ARHGAP6: variants seen among roughly 807,000 people sequenced by gnomAD.
ARHGAP6 encodes Rho GTPase activating protein 6.
A neutral mutation model predicts 55.7 loss-of-function variants in ARHGAP6; 16 were observed. The ratio of observed to expected loss-of-function variants is 0.29; its 90% CI spans 0.19 to 0.44. The LOEUF is 0.44. ARHGAP6 is among the 20% of genes least tolerant of loss of function. ARHGAP6 has a pLI of 1.00. For synonymous variants in ARHGAP6, 382 were observed against 360.9 expected, an observed-to-expected ratio of 1.06 and a Z score of -0.66; for missense variants, 698 against 808.9, an observed-to-expected ratio of 0.86 and a Z score of 1.66.
At chrX:11,311,235 G>A (rs963359667) in intron 1 of ARHGAP6, among the ~76,000 whole-genome samples, 1 of 111,895 alleles carries the variant, frequency 8.9e-6, no homozygotes, top group Non-Finnish European at 1.9e-5. Context: ...AGAAAAGGTC[G>A]ACATTCTTAT....
chrX:11,171,143 A>T (rs1278903155), intron 8 of ARHGAP6, among the ~76,000 whole-genome samples: 1 of 111,258 alleles, frequency 9.0e-6, no homozygotes, highest in Non-Finnish European at 1.9e-5. Context: ...AAGGAAGGGA[A>T]CTATTTTTTG....
At position 11,144,381 on chromosome X, in the gene ARHGAP6, G is replaced by A. The variant is rs187113475; in HGVS notation, c.1908-133C>T. The stretch of plus-strand genomic sequence containing the variant: ...GGCTGAAACAAAAAGACCATTTTGA[G>A]CAATGTTCCAAGACATGTACATCCA... On this transcript the variant is annotated intron_variant, in intron 10 of 12. Coordinates refer to ENST00000337414, the MANE Select transcript of ARHGAP6 (RefSeq NM_013427.3). 92 of 897,810 alleles carry A rather than the reference G, an allele frequency of 1.0e-4. No homozygotes were observed. In the African/African-American group the frequency reaches 1.6e-3, roughly 16 times the overall value. 74.0% of individuals were successfully genotyped at this position (897,810 alleles called of 1,213,427 possible). A position where few individuals can be genotyped will look rare whatever the true frequency, so the allele number is the denominator to read the frequency against.
intron 6 of ARHGAP6, among the ~76,000 whole-genome samples, chrX:11,180,418 A>G (rs975742336): frequency 6.3e-5 from 7 of 110,729 alleles, no homozygotes; most frequent in African/African-American, 2.3e-4. Flanking sequence ...ACCCTGTTAC[A>G]GGCTCACAAA....
chrX:11,243,815 C>G (rs1162087867), intron 2 of ARHGAP6, among the ~76,000 whole-genome samples: 3 of 112,032 alleles, frequency 2.7e-5, no homozygotes, highest in Non-Finnish European at 3.8e-5. Flanking sequence ...ACATAGATAC[C>G]TACCATTGCA....
At chrX:11,372,391 A>T (rs750866859) in intron 1 of ARHGAP6, among the ~76,000 whole-genome samples, 1 of 112,352 alleles carries the variant, frequency 8.9e-6, no homozygotes, top group African/African-American at 3.2e-5. Flanking sequence ...AGTGAATATT[A>T]ATAAAGAATG....
intron 1 of ARHGAP6, among the ~76,000 whole-genome samples, chrX:11,486,827 T>C (rs1324332238): frequency 8.9e-6 from 1 of 111,972 alleles, no homozygotes; most frequent in Non-Finnish European, 1.9e-5. Context: ...ATGTGCCACG[T>C]TGGCAGAAGT....
chrX:11,663,060 C>T (rs1382557393), intron 1 of ARHGAP6, among the ~76,000 whole-genome samples: 1 of 112,147 alleles, frequency 8.9e-6, no homozygotes, highest in Admixed American at 9.5e-5. Context: ...ATCTGCACCC[C>T]CAACACCTAA....
chrX:11,277,090 T>A (rs2047780890), intron 1 of ARHGAP6, among the ~76,000 whole-genome samples: 1 of 111,452 alleles, frequency 9.0e-6, no homozygotes, highest in Admixed American at 9.6e-5. Context: ...CTCTATGGTT[T>A]TGCATGTTTT....
chrX:11,464,952 A>T (rs769020263), intron 1 of ARHGAP6, among the ~76,000 whole-genome samples: 3 of 111,679 alleles, frequency 2.7e-5, no homozygotes, highest in Non-Finnish European at 5.6e-5. Flanking sequence ...CAATCTTCTG[A>T]CTGCACCACC....
intron 1 of ARHGAP6, among the ~76,000 whole-genome samples, chrX:11,503,857 CACACAAAGAGACACACAT>C (rs1350298273): frequency 4.2e-4 from 40 of 95,171 alleles, no homozygotes; most frequent in African/African-American, 1.7e-3. Flanking sequence ...CACACACACA[CACACAAAGAGACACACAT>C]ACACACACAC....
intron 1 of ARHGAP6, among the ~76,000 whole-genome samples, chrX:11,555,472 G>C (rs1458438569): frequency 9.0e-6 from 1 of 111,539 alleles, no homozygotes; most frequent in African/African-American, 3.3e-5. Context: ...GCCACATTGG[G>C]ACAGGGCGTC....
At chrX:11,496,790 T>C (rs939859723) in intron 1 of ARHGAP6, among the ~76,000 whole-genome samples, 7 of 112,002 alleles carry the variant, frequency 6.2e-5, no homozygotes, top group Non-Finnish European at 9.4e-5. Flanking sequence ...TTGTTACATA[T>C]AAAGTATTTG....
chrX:11,379,878 T>C (rs1018554183), intron 1 of ARHGAP6, among the ~76,000 whole-genome samples: 2 of 110,490 alleles, frequency 1.8e-5, no homozygotes, highest in African/African-American at 6.6e-5. Flanking sequence ...ATCTATGAGG[T>C]GGGATGGAGG....
In ARHGAP6 at chrX:11,664,374, G is replaced by C; in HGVS notation, c.455C>G (p.Ala152Gly). The change falls in exon 1 of 13, where the codon GCT becomes GGT. Residue 152 changes from alanine to glycine, a missense_variant. Physicochemically the swap from Ala to Gly is moderately conservative, Grantham distance 60. Coordinates refer to ENST00000337414, the MANE Select transcript of ARHGAP6 (RefSeq NM_013427.3). ...CCCGGATGAACAGAGGATGCTGGAA[G>C]CGCTTCGGCTACTGGCTGGCCCGGC... Reference protein sequence around the residue: ...VLAGPASSRSASSILCSSGGG... With the variant: ...VLAGPASSRSGSSILCSSGGG... The C allele has an allele frequency of 8.2e-7, 1 of 1,212,289 alleles. No individual in the cohort carries two copies.
chrX:11,418,934 C>T (rs941436941), intron 1 of ARHGAP6, among the ~76,000 whole-genome samples: 1 of 111,800 alleles, frequency 8.9e-6, no homozygotes, highest in African/African-American at 3.2e-5. Context: ...TCAACACCGA[C>T]CCCCCCTCCC....
intron 1 of ARHGAP6, among the ~76,000 whole-genome samples, chrX:11,430,568 A>T (rs1465013157): frequency 1.8e-5 from 2 of 112,105 alleles, no homozygotes; most frequent in Non-Finnish European, 3.8e-5. Context: ...AAGTCTGTTC[A>T]ATCTTAAACA....
chrX:11,309,812 G>A (rs2048276137), intron 1 of ARHGAP6, among the ~76,000 whole-genome samples: 2 of 110,996 alleles, frequency 1.8e-5, no homozygotes, highest in African/African-American at 3.3e-5. Context: ...ATATACAAAT[G>A]GCTGATAAGC....
intron 1 of ARHGAP6, among the ~76,000 whole-genome samples, chrX:11,455,675 G>A (rs1196547789): frequency 3.6e-5 from 4 of 111,669 alleles, no homozygotes; most frequent in Admixed American, 9.5e-5. Context: ...CCCACTATCC[G>A]TGGCTTCTCT....
At chrX:11,335,866 G>A (rs888663196) in intron 1 of ARHGAP6, 7 of 211,330 alleles carry the variant, frequency 3.3e-5, no homozygotes, top group African/African-American at 9.1e-5. Flanking sequence ...AGGTGGCAGC[G>A]ATCCCCTAGA....
Sources: allele counts gnomAD v4.1 joint callset (sites outside exome capture counted in the v4.1 genomes callset), GRCh38; gene constraint gnomAD v4.1.1; transcripts MANE v1.5; gene names NCBI Gene and HGNC (gene_info 2026-07-23, HGNC 2026-07-21).